TAOK3: variants seen among roughly 807,000 people sequenced by gnomAD.
TAOK3 encodes the protein serine/threonine-protein kinase TAO3.
TAOK3 carries 40 observed loss-of-function variants against 120.4 expected under a neutral mutation model. The ratio of observed to expected loss-of-function variants is 0.33; its 90% CI spans 0.26 to 0.43. The LOEUF is 0.43. Ranked by LOEUF, TAOK3 falls within the 20% of genes least tolerant of loss-of-function variation. The pLI is 1.00. For synonymous variants in TAOK3, 355 were observed against 387.5 expected, an observed-to-expected ratio of 0.92 and a Z score of 0.99; for missense variants, 821 against 1,112.1, an observed-to-expected ratio of 0.74 and a Z score of 3.72.
At chr12:118,151,494 G>A (rs1374517519) in intron 20 of TAOK3, among the ~76,000 whole-genome samples, 1 of 152,158 alleles carries the variant, frequency 6.6e-6, no homozygotes, top group Admixed American at 6.5e-5. Context: ...CTGTGTTAGG[G>A]GATGGCTCAT....
chr12:118,202,227 A>G (rs1193666066), intron 11 of TAOK3, among the ~76,000 whole-genome samples: 6 of 150,952 alleles, frequency 4.0e-5, no homozygotes, highest in Non-Finnish European at 5.9e-5. Context: ...TTAAATATCT[A>G]TATCACATAT....
chr12:118,344,191 T>C (rs576750700), intron 1 of TAOK3, among the ~76,000 whole-genome samples: 2 of 148,920 alleles, frequency 1.3e-5, no homozygotes, highest in Non-Finnish European at 3.0e-5. Context: ...ATGTATTGAG[T>C]CCTTTATCTT....
chr12:118,231,506 T>G (rs1326222454), intron 9 of TAOK3, among the ~76,000 whole-genome samples: 1 of 152,090 alleles, frequency 6.6e-6, no homozygotes, highest in Non-Finnish European at 1.5e-5. Flanking sequence ...CAAGTTGGCC[T>G]AACATTTTAG....
chr12:118,314,211 T>C (rs1196058846), intron 1 of TAOK3, among the ~76,000 whole-genome samples: 3 of 152,214 alleles, frequency 2.0e-5, no homozygotes, highest in African/African-American at 7.2e-5. Flanking sequence ...CTAAGCTAAG[T>C]ATCTGTAACT....
intron 5 of TAOK3, among the ~76,000 whole-genome samples, chr12:118,241,560 T>C (rs2040253208): frequency 6.6e-6 from 1 of 152,220 alleles, no homozygotes. Context: ...TTTTTTCCCC[T>C]ATTATTCTAT....
chr12:118,264,526 G>T (rs2041361019), intron 2 of TAOK3, among the ~76,000 whole-genome samples: 1 of 152,112 alleles, frequency 6.6e-6, no homozygotes. Context: ...TAAAGAGATA[G>T]AAATCATATC....
intron 2 of TAOK3, among the ~76,000 whole-genome samples, chr12:118,260,736 A>C (rs771216746): frequency 2.0e-5 from 3 of 152,210 alleles, no homozygotes; most frequent in Non-Finnish European, 4.4e-5. Flanking sequence ...GCTAGAGTGC[A>C]GTGGTGCAAT....
At chr12:118,365,124 C>A (rs1220400670) in intron 1 of TAOK3, among the ~76,000 whole-genome samples, 1 of 152,226 alleles carries the variant, frequency 6.6e-6, no homozygotes, top group African/African-American at 2.4e-5. Context: ...AGATCTTTCC[C>A]AGTCTAAGGC....
intron 1 of TAOK3, among the ~76,000 whole-genome samples, chr12:118,312,763 T>C (rs1444904324): frequency 1.3e-5 from 2 of 152,208 alleles, no homozygotes; most frequent in African/African-American, 2.4e-5. Flanking sequence ...CTTTAACAGG[T>C]TTTGTCACTA....
At chr12:118,276,141 T>G (rs1186533204) in intron 1 of TAOK3, among the ~76,000 whole-genome samples, 1 of 152,168 alleles carries the variant, frequency 6.6e-6, no homozygotes, top group Non-Finnish European at 1.5e-5. Context: ...CTGACTATTC[T>G]GTGGGAAATA....
At chr12:118,208,606 TATAA>T (rs531537372) in intron 11 of TAOK3, among the ~76,000 whole-genome samples, 3 of 152,346 alleles carry the variant, frequency 2.0e-5, no homozygotes, top group African/African-American at 7.2e-5. Flanking sequence ...ACGGTGGGAC[TATAA>T]ATTGGTGCAA....
At chr12:118,165,720 G>A (rs2035537841) in intron 17 of TAOK3, among the ~76,000 whole-genome samples, 1 of 152,154 alleles carries the variant, frequency 6.6e-6, no homozygotes, top group East Asian at 1.9e-4. Context: ...GTGAACTATC[G>A]TAGTTGTAAA....
At chr12:118,315,674 T>C (rs1388121149) in intron 1 of TAOK3, among the ~76,000 whole-genome samples, 1 of 152,178 alleles carries the variant, frequency 6.6e-6, no homozygotes, top group East Asian at 1.9e-4. Flanking sequence ...TTGAAATATT[T>C]TGTTAACATT....
At chr12:118,255,408 C>A (rs1468859093) in intron 3 of TAOK3, 40 bp downstream of exon 3, 1 of 1,608,324 alleles carries the variant, frequency 6.2e-7, no homozygotes, top group Admixed American at 1.7e-5. Flanking sequence ...TCCAACCTTT[C>A]TTAATCTGAT....
At chr12:118,299,460 T>A (rs530610278) in intron 1 of TAOK3, among the ~76,000 whole-genome samples, 2 of 152,342 alleles carry the variant, frequency 1.3e-5, no homozygotes, top group South Asian at 4.1e-4. Flanking sequence ...TCTGATAATT[T>A]TGTGAATTAT....
chr12:118,261,021 G>A (rs2041205130), intron 2 of TAOK3, among the ~76,000 whole-genome samples: 1 of 152,098 alleles, frequency 6.6e-6, no homozygotes, highest in African/African-American at 2.4e-5. Flanking sequence ...CAATGTCTGA[G>A]ATTTAAAAAT....
At chr12:118,311,870 G>A (rs766132409) in intron 1 of TAOK3, among the ~76,000 whole-genome samples, 1 of 152,164 alleles carries the variant, frequency 6.6e-6, no homozygotes. Flanking sequence ...AAGATATCGT[G>A]AGCCAAAACA....
chr12:118,250,578 TTCA>T (rs1169710525), intron 3 of TAOK3, among the ~76,000 whole-genome samples: 1 of 152,056 alleles, frequency 6.6e-6, no homozygotes, highest in Non-Finnish European at 1.5e-5. Context: ...CTCAGAGTTC[TTCA>T]TCATTCATTC....
chr12:118,242,157 C>T lies in TAOK3; in HGVS notation c.294+1258G>A, dbSNP rs185354494. 1.4e-4 allele frequency among the ~76,000 whole-genome samples: 21 copies of T among 151,878 alleles called. No homozygotes were observed. In the East Asian group the frequency reaches 3.7e-3, roughly 27 times the overall value. ...AAGGATTTTCTGAAGACTTGAAATA[C>T]ATGAGATTTTAGCACTTGGATTTTG... On this transcript the variant is annotated intron_variant, in intron 5 of 20. Transcript: ENST00000392533.
Sources: allele counts gnomAD v4.1 joint callset (sites outside exome capture counted in the v4.1 genomes callset), GRCh38; gene constraint gnomAD v4.1.1; transcripts MANE v1.5; gene names NCBI Gene and HGNC (gene_info 2026-07-23, HGNC 2026-07-21).